Variants in ZPR1 observed in about 807,000 individuals in gnomAD.
ZPR1 encodes the protein ZPR1 zinc finger, also known as zinc finger protein ZPR1.
ZPR1 carries 37 observed loss-of-function variants against 59.6 expected under a neutral mutation model. That is an observed-to-expected ratio of 0.62 (90% confidence interval 0.48 to 0.82). ZPR1 has a LOEUF of 0.82. Among genes scored for constraint, ZPR1 ranks in the 40% least tolerant of loss-of-function variants. ZPR1 has a pLI of 0.00. For synonymous variants in ZPR1, 191 were observed against 215.2 expected, an observed-to-expected ratio of 0.89 and a Z score of 0.99; for missense variants, 527 against 579.9, an observed-to-expected ratio of 0.91 and a Z score of 0.94.
At chr11:116,784,780 G>A in intron 8 of ZPR1, 75 bp downstream of exon 8, 1 of 1,456,160 alleles carries the variant, frequency 6.9e-7, no homozygotes. Flanking sequence ...TCCTTGAAAG[G>A]GATGCTCCCA....
chr11:116,785,392 G>A, intron 6 of ZPR1, 122 bp downstream of exon 6: 1 of 1,427,824 alleles, frequency 7.0e-7, no homozygotes, highest in Non-Finnish European at 9.5e-7. Context: ...AAGATGAGAA[G>A]CACAAACAAG....
At chr11:116,782,368 C>T in intron 11 of ZPR1, 124 bp from the exon 12 acceptor site, 1 of 732,778 alleles carries the variant, frequency 1.4e-6, no homozygotes, top group East Asian at 2.7e-5. Context: ...ATTTAGCCCA[C>T]ACCACCTTTC....
At position 116,787,926 on chromosome 11, in the gene ZPR1, G is replaced by A. The variant is rs1407447656; in HGVS notation, c.65C>T (p.Pro22Leu). 6.7e-7 allele frequency: 1 copy of A among 1,492,964 alleles called. No homozygotes were observed. Among genetic ancestry groups the A allele is most frequent in the Non-Finnish European group, 8.9e-7 (1 of 1,128,138 alleles). 92.5% of individuals were successfully genotyped at this position (1,492,964 alleles called of 1,614,324 possible). Reference sequence around the variant, plus strand: ...GTGATCAGGGGCAGGCGGCGGGGCCGGGGCGGGCGACGGGGCGACGGCAGC... The same window carrying A: ...GTGATCAGGGGCAGGCGGCGGGGCCAGGGCGGGCGACGGGGCGACGGCAGC... ...PGAAVAPSPA[P>L]APPPAPDHLF... The change falls in exon 1 of 14, where the codon CCG becomes CTG. Residue 22 changes from proline to leucine, a missense_variant. Physicochemically the swap from Pro to Leu is moderately conservative, Grantham distance 98 (BLOSUM62 -3). Coordinates refer to ENST00000227322, the MANE Select transcript of ZPR1 (RefSeq NM_003904.5).
At chr11:116,782,273 G>A in intron 11 of ZPR1, 29 bp from the exon 12 acceptor site, 1 of 1,585,948 alleles carries the variant, frequency 6.3e-7, no homozygotes. Flanking sequence ...CAAACTATGT[G>A]AATACTGGCT....
intron 9 of ZPR1, 93 bp downstream of exon 9, chr11:116,784,285 T>C: frequency 7.4e-7 from 1 of 1,342,946 alleles, no homozygotes; most frequent in Admixed American, 1.7e-5. Flanking sequence ...CTACACCCCC[T>C]GCCCCCGAGT....
rs966494072 is a variant in ZPR1, at chr11:116,787,868, C to T, written c.123G>A (p.Glu41=). 4 of 1,540,838 alleles carry T rather than the reference C, an allele frequency of 2.6e-6. No individual in the cohort carries two copies. The highest frequency in any genetic ancestry group is 3.5e-6 in the Non-Finnish European group (4 of 1,144,740). Residue 41 remains glutamate, a synonymous_variant, in exon 1 of 14, where the codon GAG becomes GAA. Coordinates refer to ENST00000227322, the MANE Select transcript of ZPR1 (RefSeq NM_003904.5). ...GCGACTCGATCTCGGTGGGCTGCTG[C>T]TCCTCGTCCTCGGCGCTGATGGGCC... ...LFRPISAEDE[E]QQPTEIESLC...
chr11:116,787,945 C>T lies in ZPR1; in HGVS notation c.46G>A (p.Val16Ile), dbSNP rs762919155. 125 of 1,465,358 alleles carry T rather than the reference C, an allele frequency of 8.5e-5. 1 individual carries two copies. Among genetic ancestry groups the T allele is most frequent in the Middle Eastern group, 2.5e-4 (1 of 4,068 alleles). 90.8% of individuals were successfully genotyped at this position (1,465,358 alleles called of 1,614,324 possible). The change falls in exon 1 of 14, where the codon GTC (valine) becomes ATC (isoleucine). Residue 16 changes from valine to isoleucine, a missense_variant. Coordinates refer to ENST00000227322, the MANE Select transcript of ZPR1 (RefSeq NM_003904.5). ...GGGGCCGGGGCGGGCGACGGGGCGA[C>T]GGCAGCCCCCGGGGGCCCTGGTTCC... is the stretch of plus-strand genomic sequence containing the variant. ...AVEPGPPGAA[V>I]APSPAPAPPP...
intron 6 of ZPR1, 24 bp from the exon 7 acceptor site, chr11:116,785,170 G>A (rs116813133): frequency 3.4e-5 from 55 of 1,613,322 alleles, no homozygotes; most frequent in African/African-American, 2.7e-4. Context: ...GATGCAGGTC[G>A]CAAGTTGGCA....
Position 116,775,739 on chromosome 11 carries a change from AATT to A in ZPR1, c.*3183_*3185del, listed in dbSNP as rs1940715054. On this transcript the variant is annotated 3_prime_UTR_variant, in exon 14 of 14. Transcript: ENST00000227322. ...AAATGGGGATAATTTTGTTTATCCT[AATT>A]ATCCCCATTTTACAGACTAGGAAAA... The A allele has an allele frequency of 1.2e-5, 2 of 165,868 alleles. No homozygotes were observed. The highest frequency in any genetic ancestry group is 4.9e-5 in the African/African-American group (2 of 41,102). The allele number at this position is 165,868 out of a possible 1,614,324, so 10.3% of individuals were successfully genotyped here.
intron 12 of ZPR1, among the ~76,000 whole-genome samples, chr11:116,780,221 T>C (rs930541208): frequency 2.7e-5 from 4 of 150,286 alleles, no homozygotes; most frequent in African/African-American, 4.9e-5. Flanking sequence ...GGTTCTAAAA[T>C]AAGGACTGTT....
chr11:116,784,406 C>T lies in ZPR1; in HGVS notation c.863G>A (p.Cys288Tyr). 1 of 1,614,158 alleles carries T rather than the reference C, an allele frequency of 6.2e-7. No homozygotes were observed. The highest frequency in any genetic ancestry group is 8.5e-7 in the Non-Finnish European group (1 of 1,180,036). ...FKEVIIMATN[C>Y]ENCGHRTNEV... ...ATTGGTCCGATGCCCACAGTTCTCG[C>T]AGTTGGTAGCCATGATGATAACCTC... Residue 288 changes from cysteine to tyrosine, a missense_variant, in exon 9 of 14, where the codon TGC becomes TAC. Transcript: ENST00000227322.
At chr11:116,785,368 T>A (rs368480034) in intron 6 of ZPR1, 146 bp downstream of exon 6, 5 of 1,277,974 alleles carry the variant, frequency 3.9e-6, no homozygotes, top group South Asian at 2.8e-5. Flanking sequence ...TTTACCCAAG[T>A]CCTGGACATA....
rs113422290 is a variant in ZPR1, at chr11:116,784,922, C to T, written c.754-1G>A. ...GGCAGTTTGTGCTGAACTGGAGCAC[C>T]TGGAACACAACATGAGGACAAAGGG... On this transcript the variant is annotated splice_acceptor_variant, in intron 7 of 13. Transcript: ENST00000227322. LOFTEE classifies it high-confidence loss of function. 1 of 1,614,018 alleles carries T rather than the reference C, an allele frequency of 6.2e-7. No homozygotes were observed. The highest frequency in any genetic ancestry group is 1.1e-5 in the South Asian group (1 of 91,090).
chr11:116,784,549 C>A, intron 8 of ZPR1, 101 bp from the exon 9 acceptor site: 1 of 1,190,946 alleles, frequency 8.4e-7, no homozygotes, highest in South Asian at 1.2e-5. Context: ...GGTCCCAGAA[C>A]TGCAGGAAAT....
In ZPR1 at chr11:116,775,135, G is replaced by C. The variant is rs145366749; in HGVS notation, c.*3790C>G. 1.3e-5 allele frequency: 2 copies of C among 152,392 alleles called. No individual in the cohort carries two copies. The highest frequency in any genetic ancestry group is 3.9e-4 in the East Asian group (2 of 5,158). 9.4% of individuals were successfully genotyped at this position (152,392 alleles called of 1,614,324 possible). A position where few individuals can be genotyped will look rare whatever the true frequency, so the allele number is the denominator to read the frequency against. The stretch of plus-strand genomic sequence containing the variant: ...ATTCAGACCTCAGGTTTCAGAGTCT[G>C]ACTGGCATGGGTTTGACACCTGCCT... On this transcript the variant is annotated 3_prime_UTR_variant, in exon 14 of 14. Transcript: ENST00000227322.
chr11:116,787,572 C>T lies in ZPR1; in HGVS notation c.243G>A (p.Glu81=). 1 of 1,614,242 alleles carries T rather than the reference C, an allele frequency of 6.2e-7. No individual in the cohort carries two copies. Among genetic ancestry groups the T allele is most frequent in the Non-Finnish European group, 8.5e-7 (1 of 1,180,036 alleles). ...TCTCCGTGTTGTTCCAGCCACAGTGCTCGCAGGAAAAGGAGCTCACTATTA... is the reference window on the plus strand; with the variant it reads ...TCTCCGTGTTGTTCCAGCCACAGTGTTCGCAGGAAAAGGAGCTCACTATTA... ...REIIVSSFSC[E]HCGWNNTEIQ... The change falls in exon 2 of 14, where the codon GAG becomes GAA. Residue 81 remains glutamate, a synonymous_variant. Transcript: ENST00000227322.
At position 116,782,924 on chromosome 11, in the gene ZPR1, C is replaced by T; in HGVS notation, c.1087G>A (p.Glu363Lys). The change falls in exon 11 of 14, where the codon GAA (glutamate) becomes AAA (lysine). Residue 363 changes from glutamate to lysine, a missense_variant. Physicochemically the swap from Glu to Lys is moderately conservative, Grantham distance 56. Transcript: ENST00000227322. The part of the protein sequence containing the change: ...TLEGLLKDIR[E>K]LVTKNPFTLG... ...ACACTACTCAAGTGACTCACCAGTT[C>T]CCGGATGTCTTTCAGCAGCCCTTCC... The T allele has an allele frequency of 6.2e-7, 1 of 1,613,974 alleles. No homozygotes were observed. Among genetic ancestry groups the T allele is most frequent in the Non-Finnish European group, 8.5e-7 (1 of 1,179,812 alleles).
chr11:116,779,953 G>C (rs544318462), intron 12 of ZPR1, 116 bp from the exon 13 acceptor site: 34 of 452,644 alleles, frequency 7.5e-5, no homozygotes, highest in African/African-American at 6.6e-4. Context: ...TAAATGACTA[G>C]TTAATGGGTA....
rs982432917 is a variant in ZPR1, at chr11:116,787,074, A to G, written c.334-15T>C. On this transcript the variant is annotated splice_polypyrimidine_tract_variant and intron_variant, in intron 2 of 13. Coordinates refer to ENST00000227322, the MANE Select transcript of ZPR1 (RefSeq NM_003904.5). Reference sequence around the variant, plus strand: ...CTGTTCATGTCCTGGGAAGAAAAGAATACGTTCAGTACAAAGAGACTGCAG... The same window carrying G: ...CTGTTCATGTCCTGGGAAGAAAAGAGTACGTTCAGTACAAAGAGACTGCAG... 1.3e-5 allele frequency: 21 copies of G among 1,606,916 alleles called. No homozygotes were observed. The highest frequency in any genetic ancestry group is 1.8e-5 in the Non-Finnish European group (21 of 1,173,506).
Sources: gnomAD v4.1 joint callset for allele counts (sites outside exome capture counted in the v4.1 genomes callset) on GRCh38, gnomAD v4.1.1 for gene constraint, MANE v1.5 for transcripts, NCBI Gene and HGNC (gene_info 2026-07-23, HGNC 2026-07-21) for gene names.